Variants in XPO7 observed in about 807,000 individuals in gnomAD.
XPO7 encodes the protein exportin-7.
In XPO7, 21 loss-of-function variants were observed where a neutral mutation model predicts 144.3. The ratio of observed to expected loss-of-function variants is 0.15; its 90% CI spans 0.10 to 0.21. The LOEUF is 0.21. Among genes scored for constraint, XPO7 ranks in the 10% least tolerant of loss-of-function variants. XPO7 has a pLI of 1.00. For missense variants in XPO7, 808 were observed against 1,325.8 expected (o/e 0.61, Z 6.06); for synonymous variants, 580 against 499.6 (o/e 1.16, Z -2.15).
intron 1 of XPO7, among the ~76,000 whole-genome samples, chr8:21,931,829 G>A (rs1356941553): frequency 6.6e-6 from 1 of 152,104 alleles, no homozygotes; most frequent in East Asian, 1.9e-4. Flanking sequence ...AGGGTATCTA[G>A]AAAAGGCTTC....
chr8:21,963,054 A>G (rs998382731), intron 1 of XPO7, among the ~76,000 whole-genome samples: 1 of 152,180 alleles, frequency 6.6e-6, no homozygotes, highest in African/African-American at 2.4e-5. Flanking sequence ...AAAGGGTGAA[A>G]GTGGCTTGGG....
chr8:21,990,085 G>C lies in XPO7; in HGVS notation c.1869-259G>C, dbSNP rs186430535. Among the ~76,000 whole-genome samples the C allele has an allele frequency of 2.2e-4, 34 of 151,852 alleles. No homozygotes were observed. The East Asian group carries it at 2.9e-3, about 13-fold the overall frequency. ...AGGATGGTCTCGATCTCCTGACCTC[G>C]TGATCTGCCCTCCTCGGCCTCTCAA... On this transcript the variant is annotated intron_variant, in intron 16 of 27. Transcript: ENST00000252512.
chr8:21,965,943 C>T (rs986704311), intron 1 of XPO7, among the ~76,000 whole-genome samples: 2 of 151,040 alleles, frequency 1.3e-5, no homozygotes, highest in Non-Finnish European at 2.9e-5. Flanking sequence ...TCTTAAAGTC[C>T]AAACCATTCC....
intron 1 of XPO7, among the ~76,000 whole-genome samples, chr8:21,962,803 T>C (rs1410842172): frequency 6.6e-6 from 1 of 152,248 alleles, no homozygotes; most frequent in East Asian, 1.9e-4. Flanking sequence ...ATAATTGTTG[T>C]TACTGAATTT....
chr8:21,985,958 T>C (rs1812565720), intron 13 of XPO7, among the ~76,000 whole-genome samples: 1 of 152,212 alleles, frequency 6.6e-6, no homozygotes. Flanking sequence ...TTACGAATAG[T>C]ATCTCAGAGT....
rs148124364 is a variant in XPO7, at chr8:21,942,594, G to A, written c.18+22806G>A. On this transcript the variant is annotated intron_variant, in intron 1 of 27. Coordinates refer to ENST00000252512, the MANE Select transcript of XPO7 (RefSeq NM_015024.5). ...AAAAATCCAGCCTCACATAGATAAC[G>A]TAGTTTGAAAGGGGAGGAGTATTTC... is the stretch of plus-strand genomic sequence containing the variant. Among the ~76,000 whole-genome samples, 970 of 152,282 alleles carry A rather than the reference G, an allele frequency of 6.4e-3. 10 individuals are homozygous for A. The highest frequency in any genetic ancestry group is 0.022 in the African/African-American group (925 of 41,558).
rs777288103 is a variant in XPO7, at chr8:21,990,935, G to A, written c.2041+16G>A. On this transcript the variant is annotated intron_variant, in intron 18 of 27. Transcript: ENST00000252512. The stretch of plus-strand genomic sequence containing the variant: ...GTGGATTTAGGTACCGTAAGAAATC[G>A]TAGTGGCTCATGAAGTCATCTGGCA... 44 of 1,610,368 alleles carry A rather than the reference G, an allele frequency of 2.7e-5. No homozygotes were observed. In the East Asian group the frequency reaches 7.1e-4, roughly 26 times the overall value.
intron 1 of XPO7, among the ~76,000 whole-genome samples, chr8:21,949,713 G>A (rs1390557491): frequency 7.7e-6 from 1 of 129,192 alleles, no homozygotes; most frequent in Non-Finnish European, 1.8e-5. Context: ...TCATGGCCAG[G>A]CTGTTTGTTG....
chr8:21,920,467 ACCT>A (rs1253377249), intron 1 of XPO7, among the ~76,000 whole-genome samples: 2 of 151,762 alleles, frequency 1.3e-5, no homozygotes, highest in Non-Finnish European at 2.9e-5. Flanking sequence ...GAGCGCCCAC[ACCT>A]CCTATGAAAC....
At chr8:21,952,963 T>C (rs1414876031) in intron 1 of XPO7, among the ~76,000 whole-genome samples, 1 of 152,204 alleles carries the variant, frequency 6.6e-6, no homozygotes, top group Non-Finnish European at 1.5e-5. Context: ...TTTAGGTTTA[T>C]AGAAAAACTG....
intron 1 of XPO7, among the ~76,000 whole-genome samples, chr8:21,954,214 C>T (rs573701387): frequency 6.6e-6 from 1 of 152,192 alleles, no homozygotes; most frequent in East Asian, 1.9e-4. Context: ...TGTTTTTGAT[C>T]GCTTCCTTTG....
At chr8:21,981,216 C>T (rs1812398486) in intron 9 of XPO7, among the ~76,000 whole-genome samples, 1 of 152,128 alleles carries the variant, frequency 6.6e-6, no homozygotes, top group Non-Finnish European at 1.5e-5. Flanking sequence ...TTTGCTATAT[C>T]ATATAAATAC....
Position 21,973,771 on chromosome 8 carries a change from C to G in XPO7, c.493-899C>G, listed in dbSNP as rs543355998. On this transcript the variant is annotated intron_variant, in intron 5 of 27. Coordinates refer to ENST00000252512, the MANE Select transcript of XPO7 (RefSeq NM_015024.5). Reference sequence around the variant, plus strand: ...GTTATTTTATTCCACATATTGAATGCCTACTGTGTGTTAGGACTGGGAGCA... The same window carrying G: ...GTTATTTTATTCCACATATTGAATGGCTACTGTGTGTTAGGACTGGGAGCA... Among the ~76,000 whole-genome samples the G allele has an allele frequency of 2.6e-5, 4 of 152,250 alleles. No homozygotes were observed. The South Asian group carries it at 8.3e-4, about 32-fold the overall frequency.
chr8:22,004,879 A>G (rs1813271590), intron 27 of XPO7, 116 bp from the exon 28 acceptor site: 2 of 624,098 alleles, frequency 3.2e-6, no homozygotes, highest in East Asian at 5.7e-5. Flanking sequence ...TGATCTTTGA[A>G]ACAGAACCCA....
Position 21,938,359 on chromosome 8 carries a change from A to G in XPO7, c.18+18571A>G, listed in dbSNP as rs2117262872. Among the ~76,000 whole-genome samples, 4 of 152,348 alleles carry G rather than the reference A, an allele frequency of 2.6e-5. 1 individual carries two copies. In the Middle Eastern group the frequency reaches 0.01, roughly 389 times the overall value. On this transcript the variant is annotated intron_variant, in intron 1 of 27. Coordinates refer to ENST00000252512, the MANE Select transcript of XPO7 (RefSeq NM_015024.5). ...GCTTCCAGTACATTAACAATATTGT[A>G]CATCCATTAGCACTATCTGTGTAAT...
At chr8:21,968,778 T>C (rs1462262810) in intron 2 of XPO7, among the ~76,000 whole-genome samples, 1 of 152,232 alleles carries the variant, frequency 6.6e-6, no homozygotes, top group Non-Finnish European at 1.5e-5. Flanking sequence ...GTATATAATA[T>C]AGCCACATGG....
In XPO7 at chr8:21,994,600, A is replaced by G. The variant is rs1812878865; in HGVS notation, c.2237+149A>G. 5 of 646,260 alleles carry G rather than the reference A, an allele frequency of 7.7e-6. No homozygotes were observed. The South Asian group carries it at 8.8e-5, about 11-fold the overall frequency. 40.0% of individuals were successfully genotyped at this position (646,260 alleles called of 1,614,324 possible). A position where few individuals can be genotyped will look rare whatever the true frequency, so the allele number is the denominator to read the frequency against. On this transcript the variant is annotated intron_variant, in intron 20 of 27. Transcript: ENST00000252512. ...CCAGAAGGCCTGCATGTGTCCTGGA[A>G]GCCACCTTATGACAGACATAAGGTT... is the stretch of plus-strand genomic sequence containing the variant.
intron 1 of XPO7, among the ~76,000 whole-genome samples, chr8:21,958,731 G>A (rs1166549297): frequency 1.3e-5 from 2 of 152,060 alleles, no homozygotes; most frequent in Non-Finnish European, 2.9e-5. Context: ...AGGCTGAGGC[G>A]GGTGGAATAC....
intron 1 of XPO7, among the ~76,000 whole-genome samples, chr8:21,949,173 T>A (rs1000516890): frequency 6.6e-6 from 1 of 152,262 alleles, no homozygotes; most frequent in Admixed American, 6.5e-5. Context: ...AACTGACACA[T>A]TAGTTCCAGA....
Sources: allele counts gnomAD v4.1 joint callset (sites outside exome capture counted in the v4.1 genomes callset), GRCh38; gene constraint gnomAD v4.1.1; transcripts MANE v1.5; gene names NCBI Gene and HGNC (gene_info 2026-07-23, HGNC 2026-07-21).